The following MAPDA variants were observed in gnomAD, a reference collection of about 807,000 sequenced individuals.
MAPDA encodes the protein N6,N6-dimethyl-AMP deaminase.
chr15:43,344,110 G>GA, the MAPDA span, among the ~76,000 whole-genome samples: 2 of 151,970 alleles, frequency 1.3e-5, no homozygotes, highest in African/African-American at 4.8e-5. Flanking sequence ...GGTAAGGGGG[G>GA]AAAAACCTCT....
chr15:43,336,260 G>A, the MAPDA span, among the ~76,000 whole-genome samples: 5 of 152,032 alleles, frequency 3.3e-5, no homozygotes, highest in African/African-American at 4.8e-5. Flanking sequence ...GCCCAGGCTG[G>A]TCTCAAACTC....
chr15:43,347,086 A>C, the MAPDA span: 1 of 1,612,906 alleles, frequency 6.2e-7, no homozygotes, highest in Non-Finnish European at 8.5e-7. Flanking sequence ...TTAGCATTGC[A>C]TCTTTCAGAG....
At chr15:43,331,608 T>A in the MAPDA span, among the ~76,000 whole-genome samples, 1 of 152,372 alleles carries the variant, frequency 6.6e-6, no homozygotes, top group Middle Eastern at 3.4e-3. Context: ...CAATGTTTTC[T>A]TGTGGAACAA....
chr15:43,332,846 C>T, the MAPDA span, among the ~76,000 whole-genome samples: 3 of 152,158 alleles, frequency 2.0e-5, no homozygotes, highest in Non-Finnish European at 4.4e-5. Context: ...TGAAGTATTA[C>T]TAACGTGGAT....
chr15:43,335,677 T>A, the MAPDA span: 1 of 1,590,844 alleles, frequency 6.3e-7, no homozygotes, highest in East Asian at 2.3e-5. Flanking sequence ...TGATAAGTTT[T>A]ACTGGTTGTA....
the MAPDA span, among the ~76,000 whole-genome samples, chr15:43,341,789 T>C: frequency 1.3e-5 from 2 of 152,246 alleles, no homozygotes; most frequent in Non-Finnish European, 2.9e-5. Flanking sequence ...AATAAATGTG[T>C]ATATGTGTAC....
At chr15:43,335,154 CT>C in the MAPDA span, 25 of 1,613,798 alleles carry the variant, frequency 1.5e-5, no homozygotes, top group Non-Finnish European at 2.1e-5. Flanking sequence ...GACTTCTATT[CT>C]GAATTGCCAA....
chr15:43,349,066 T>G, the MAPDA span: 13 of 1,613,956 alleles, frequency 8.1e-6, no homozygotes, highest in Non-Finnish European at 1.1e-5. Flanking sequence ...GAGTTTCAGG[T>G]CTTCCAGATG....
the MAPDA span, chr15:43,346,914 A>G: frequency 2.3e-6 from 2 of 870,252 alleles, no homozygotes; most frequent in Non-Finnish European, 3.8e-6. Flanking sequence ...TTAATCTACC[A>G]TTATTTTTTT....
At chr15:43,349,536 G>T in the MAPDA span, 1 of 182,528 alleles carries the variant, frequency 5.5e-6, no homozygotes, top group Non-Finnish European at 1.0e-5. Context: ...TCTTTCCCAA[G>T]AAACTCATAT....
the MAPDA span, chr15:43,335,546 A>G: frequency 2.3e-6 from 2 of 881,244 alleles, no homozygotes; most frequent in Non-Finnish European, 3.3e-6. Context: ...AAAAAGAAAA[A>G]GTAAATTTTG....
the MAPDA span, among the ~76,000 whole-genome samples, chr15:43,334,281 A>T: frequency 6.6e-6 from 1 of 152,148 alleles, no homozygotes. Context: ...AGGTCCATCT[A>T]ATGCCAGCAC....
At chr15:43,337,275 CAA>C in the MAPDA span, among the ~76,000 whole-genome samples, 13 of 61,938 alleles carry the variant, frequency 2.1e-4, no homozygotes, top group Admixed American at 3.5e-4. Flanking sequence ...GACTCCGTCT[CAA>C]AAAAAAAAAA....
chr15:43,350,587 A>G, the MAPDA span, among the ~76,000 whole-genome samples: 3 of 152,164 alleles, frequency 2.0e-5, no homozygotes, highest in Non-Finnish European at 2.9e-5. Flanking sequence ...GAGGGATTGC[A>G]GTAGCTTTTC....
At chr15:43,348,798 G>T in the MAPDA span, 1 of 1,129,486 alleles carries the variant, frequency 8.9e-7, no homozygotes, top group Non-Finnish European at 1.2e-6. Context: ...TTTTCCAAAA[G>T]GTCTGCATTA....
the MAPDA span, chr15:43,351,007 T>G: frequency 6.4e-7 from 1 of 1,551,666 alleles, no homozygotes; most frequent in Non-Finnish European, 8.7e-7. Context: ...CATTTCGGAT[T>G]CTGGTACAGC....
chr15:43,353,638 T>C, the MAPDA span: 1 of 152,174 alleles, frequency 6.6e-6, no homozygotes, highest in Admixed American at 6.5e-5. Context: ...CCCCAAACTC[T>C]TGGGAGAAGG....
At chr15:43,330,439 G>C in the MAPDA span, 3 of 1,554,268 alleles carry the variant, frequency 1.9e-6, no homozygotes, top group Non-Finnish European at 2.6e-6. Flanking sequence ...CGCTGCTGTC[G>C]TTGGTGTTCT....
chr15:43,336,281 G>T, the MAPDA span, among the ~76,000 whole-genome samples: 1 of 152,092 alleles, frequency 6.6e-6, no homozygotes, highest in Non-Finnish European at 1.5e-5. Context: ...CTGGCCTCAA[G>T]CTATCCACTC....
Sources: allele counts gnomAD v4.1 joint callset (sites outside exome capture counted in the v4.1 genomes callset), GRCh38; gene constraint gnomAD v4.1.1; transcripts MANE v1.5; gene names NCBI Gene and HGNC (gene_info 2026-07-23, HGNC 2026-07-21).